GATAD2B: variants seen among roughly 807,000 people sequenced by gnomAD.
GATAD2B encodes the protein GATA zinc finger domain containing 2B.
GATAD2B carries 8 observed loss-of-function variants against 64.3 expected under a neutral mutation model. The observed-to-expected ratio is 0.12, with a 90% CI of 0.07 to 0.22. The LOEUF (loss-of-function observed/expected upper bound fraction) is 0.22, where lower values mean the gene tolerates loss of function less well. Among genes scored for constraint, GATAD2B ranks in the 10% least tolerant of loss-of-function variants. The pLI, the probability that GATAD2B is intolerant of heterozygous loss-of-function variation, is 1.00. For synonymous variants in GATAD2B, 281 were observed against 271.3 expected (o/e 1.04, Z -0.35); for missense variants, 453 against 752.0 (o/e 0.60, Z 4.65).
chr1:153,853,099 C>A (rs1228675389), intron 1 of GATAD2B: 30 of 1,487,176 alleles, frequency 2.0e-5, no homozygotes, highest in African/African-American at 1.4e-5. Flanking sequence ...GCATTGGCAA[C>A]AACCTGAGTT....
chr1:153,857,396 A>C (rs933381282), intron 1 of GATAD2B, among the ~76,000 whole-genome samples: 9 of 152,094 alleles, frequency 5.9e-5, no homozygotes, highest in Admixed American at 5.2e-4. Flanking sequence ...CAGTGAGCCA[A>C]GATCGCGCCA....
chr1:153,907,492 C>T (rs1424415604), intron 1 of GATAD2B, among the ~76,000 whole-genome samples: 1 of 151,978 alleles, frequency 6.6e-6, no homozygotes, highest in Non-Finnish European at 1.5e-5. Flanking sequence ...CCAGGAACTG[C>T]GGAGAGGGGA....
chr1:153,893,738 T>C (rs899989189), intron 1 of GATAD2B, among the ~76,000 whole-genome samples: 1 of 151,546 alleles, frequency 6.6e-6, no homozygotes, highest in Non-Finnish European at 1.5e-5. Flanking sequence ...GGTGGGTGGA[T>C]CACAGGGTCA....
intron 1 of GATAD2B, chr1:153,853,341 G>C: frequency 1.4e-6 from 1 of 727,960 alleles, no homozygotes; most frequent in Non-Finnish European, 2.5e-6. Context: ...GGTCATATGT[G>C]GAGCTCATCA....
At chr1:153,826,839 G>A (rs1210253781) in intron 2 of GATAD2B, among the ~76,000 whole-genome samples, 2 of 151,868 alleles carry the variant, frequency 1.3e-5, no homozygotes, top group Non-Finnish European at 2.9e-5. Flanking sequence ...TACTTGGGAG[G>A]CTAGGGCGCG....
intron 1 of GATAD2B, among the ~76,000 whole-genome samples, chr1:153,856,866 T>C (rs1676098591): frequency 6.6e-6 from 1 of 152,156 alleles, no homozygotes; most frequent in Non-Finnish European, 1.5e-5. Flanking sequence ...TTGAGCAGTA[T>C]GAAATGCAAG....
chr1:153,808,601 G>A lies in GATAD2B; in HGVS notation c.*1576C>T, dbSNP rs956095946. 3 of 152,532 alleles carry A rather than the reference G, an allele frequency of 2.0e-5. No homozygotes were observed. The highest frequency in any genetic ancestry group is 7.2e-5 in the African/African-American group (3 of 41,416). 9.4% of individuals were successfully genotyped at this position (152,532 alleles called of 1,614,324 possible). Reference sequence around the variant, plus strand: ...ACATTCCCCCCAGTGCACTCTGGCAGCTTCTGGAGCCAGAGAGGCAGGTGG... The same window carrying A: ...ACATTCCCCCCAGTGCACTCTGGCAACTTCTGGAGCCAGAGAGGCAGGTGG... On this transcript the variant is annotated 3_prime_UTR_variant, in exon 11 of 11. Transcript: ENST00000368655.
chr1:153,815,697 TA>T (rs1381240497), intron 7 of GATAD2B, among the ~76,000 whole-genome samples: 8 of 151,130 alleles, frequency 5.3e-5, no homozygotes, highest in Non-Finnish European at 1.2e-4. Context: ...TTAGATAGAA[TA>T]GAATAGATAG....
chr1:153,915,539 T>C (rs773291590), intron 1 of GATAD2B, among the ~76,000 whole-genome samples: 1 of 152,028 alleles, frequency 6.6e-6, no homozygotes, highest in Admixed American at 6.6e-5. Flanking sequence ...GCATTCTTTA[T>C]GAGATTCAGA....
At chr1:153,907,860 A>C (rs1016915754) in intron 1 of GATAD2B, among the ~76,000 whole-genome samples, 3 of 152,134 alleles carry the variant, frequency 2.0e-5, no homozygotes, top group Non-Finnish European at 2.9e-5. Flanking sequence ...GCTGGAGTGC[A>C]GTGGCATGAT....
At chr1:153,844,061 G>A (rs575289844) in intron 1 of GATAD2B, among the ~76,000 whole-genome samples, 6 of 152,204 alleles carry the variant, frequency 3.9e-5, no homozygotes, top group African/African-American at 1.4e-4. Context: ...TGAGATAATG[G>A]CAGCCAGATT....
At chr1:153,891,947 A>G (rs1677418790) in intron 1 of GATAD2B, among the ~76,000 whole-genome samples, 1 of 151,822 alleles carries the variant, frequency 6.6e-6, no homozygotes, top group Non-Finnish European at 1.5e-5. Context: ...GCGGATCATG[A>G]GGTCAAGAAA....
intron 1 of GATAD2B, among the ~76,000 whole-genome samples, chr1:153,908,629 C>T (rs1678020736): frequency 6.6e-6 from 1 of 151,414 alleles, no homozygotes; most frequent in Non-Finnish European, 1.5e-5. Flanking sequence ...CCACCACGCC[C>T]AGCTAATTTT....
chr1:153,833,915 G>C (rs914150958), intron 1 of GATAD2B, among the ~76,000 whole-genome samples: 4 of 151,848 alleles, frequency 2.6e-5, no homozygotes, highest in African/African-American at 7.3e-5. Flanking sequence ...AACGTGGGAG[G>C]ATCACTTGAG....
At chr1:153,824,613 A>T (rs939565188) in intron 2 of GATAD2B, among the ~76,000 whole-genome samples, 201 of 5,106 alleles carry the variant, frequency 0.039, 2 homozygotes, top group Admixed American at 0.048. Context: ...CTCTGCCTTT[A>T]AAAAAAAAAA....
At chr1:153,862,367 C>T (rs1270295404) in intron 1 of GATAD2B, among the ~76,000 whole-genome samples, 2 of 151,964 alleles carry the variant, frequency 1.3e-5, no homozygotes, top group Non-Finnish European at 2.9e-5. Context: ...AGGTGATCCG[C>T]CCGCCTCAAC....
At chr1:153,811,998 AG>A in intron 9 of GATAD2B, 23 bp downstream of exon 9, 8 of 1,435,788 alleles carry the variant, frequency 5.6e-6, no homozygotes, top group South Asian at 1.2e-5. Context: ...TAAAGAAATC[AG>A]GATCAGGCAA....
In GATAD2B at chr1:153,805,183, A is replaced by T. The variant is rs1326889859; in HGVS notation, c.*4994T>A. ...CCTAAAGAAGAGAGTAGGAGTACTC[A>T]GCCCAGGCTGTGGGGAAATTGGGCC... On this transcript the variant is annotated 3_prime_UTR_variant, in exon 11 of 11. Coordinates refer to ENST00000368655, the MANE Select transcript of GATAD2B (RefSeq NM_020699.4). The T allele has an allele frequency of 6.6e-6, 1 of 151,862 alleles. No homozygotes were observed. Among genetic ancestry groups the T allele is most frequent in the Non-Finnish European group, 1.5e-5 (1 of 68,042 alleles). The allele number at this position is 151,862 out of a possible 1,614,324, so 9.4% of individuals were successfully genotyped here.
At chr1:153,853,943 C>T (rs1675995039) in intron 1 of GATAD2B, among the ~76,000 whole-genome samples, 1 of 152,114 alleles carries the variant, frequency 6.6e-6, no homozygotes, top group South Asian at 2.1e-4. Context: ...CCAGCCAGAG[C>T]CCAAGCTGAG....
Sources: gnomAD v4.1 joint callset for allele counts (sites outside exome capture counted in the v4.1 genomes callset) on GRCh38, gnomAD v4.1.1 for gene constraint, MANE v1.5 for transcripts, NCBI Gene and HGNC (gene_info 2026-07-23, HGNC 2026-07-21) for gene names.